Variants in DCLRE1B observed in about 807,000 individuals in gnomAD.
DCLRE1B encodes DNA cross-link repair 1B, also known as 5' exonuclease Apollo.
DCLRE1B carries 6 observed loss-of-function variants against 19.8 expected under a neutral mutation model. That is an observed-to-expected ratio of 0.30 (90% CI 0.17 to 0.60). DCLRE1B has a LOEUF of 0.60. DCLRE1B is among the 20% of genes least tolerant of loss of function. DCLRE1B has a pLI of 0.87. For missense variants in DCLRE1B, 622 were observed against 654.2 expected, an observed-to-expected ratio of 0.95 and a Z score of 0.54; for synonymous variants, 258 against 255.7, an observed-to-expected ratio of 1.01 and a Z score of -0.09.
Position 113,905,575 on chromosome 1 carries a change from A to C in DCLRE1B, c.-12A>C. 1 of 1,613,442 alleles carries C rather than the reference A, an allele frequency of 6.2e-7. No individual in the cohort carries two copies. Among genetic ancestry groups the C allele is most frequent in the South Asian group, 1.1e-5 (1 of 91,040 alleles). ...TGGAGAAGATCCCACTGGTGACTCCAACCCTACCACCATGAATGGGGTCCT... is the reference window on the plus strand; with the variant it reads ...TGGAGAAGATCCCACTGGTGACTCCCACCCTACCACCATGAATGGGGTCCT... On this transcript the variant is annotated 5_prime_UTR_variant, in exon 1 of 4. Transcript: ENST00000650450.
chr1:113,911,514 G>A lies in DCLRE1B; in HGVS notation c.922G>A (p.Asp308Asn), dbSNP rs764707652. The A allele has an allele frequency of 6.2e-7, 1 of 1,614,094 alleles. No individual in the cohort carries two copies. The highest frequency in any genetic ancestry group is 8.5e-7 in the Non-Finnish European group (1 of 1,180,006). Reference sequence around the variant, plus strand: ...TCGGCGGCCCTGTGGAGGCTTTCAGGACAGTCTGAGCCCCAGGATCTCCGT... The same window carrying A: ...TCGGCGGCCCTGTGGAGGCTTTCAGAACAGTCTGAGCCCCAGGATCTCCGT... ...VSRRPCGGFQ[D>N]SLSPRISVPL... Residue 308 changes from aspartate (D) to asparagine (N), a missense_variant, in exon 4 of 4, where the codon GAC (aspartate) becomes AAC (asparagine). By Grantham distance (23) the Asp-to-Asn change is conservative. Around this residue, in one of 3 missense-constraint regions of DCLRE1B, gnomAD observed 382 missense variants for 412.5 expected, o/e 0.93. Transcript: ENST00000650450.
Position 113,911,520 on chromosome 1 carries a change from C to T in DCLRE1B, c.928C>T (p.Leu310=), listed in dbSNP as rs751836767. The change falls in exon 4 of 4, where the codon CTG becomes TTG. Residue 310 remains leucine, a synonymous_variant. Coordinates refer to ENST00000650450, the MANE Select transcript of DCLRE1B (RefSeq NM_022836.4). Reference sequence around the variant, plus strand: ...GCCCTGTGGAGGCTTTCAGGACAGTCTGAGCCCCAGGATCTCCGTGCCCCT... The same window carrying T: ...GCCCTGTGGAGGCTTTCAGGACAGTTTGAGCCCCAGGATCTCCGTGCCCCT... ...RRPCGGFQDS[L]SPRISVPLIP... The T allele has an allele frequency of 6.2e-7, 1 of 1,613,916 alleles. No homozygotes were observed. Among genetic ancestry groups the T allele is most frequent in the Non-Finnish European group, 8.5e-7 (1 of 1,179,858 alleles).
intron 2 of DCLRE1B, 67 bp from the exon 3 acceptor site, chr1:113,907,942 G>A (rs1669100392): frequency 6.6e-7 from 1 of 1,524,702 alleles, no homozygotes; most frequent in Non-Finnish European, 8.9e-7. Flanking sequence ...TATTGTTGGA[G>A]GTAGGAGAGG....
intron 2 of DCLRE1B, among the ~76,000 whole-genome samples, 188 bp downstream of exon 2, chr1:113,907,349 C>T (rs111426770): frequency 6.6e-6 from 1 of 151,712 alleles, no homozygotes; most frequent in African/African-American, 2.4e-5. Flanking sequence ...CAAGCCACCA[C>T]ACCTGGCAGA....
rs1669340602 is a variant in DCLRE1B, at chr1:113,913,528, ACTGC to A, written c.*1340_*1343del. The A allele has an allele frequency of 6.5e-6, 1 of 152,780 alleles. No homozygotes were observed. Among genetic ancestry groups the A allele is most frequent in the Non-Finnish European group, 1.5e-5 (1 of 68,056 alleles). The allele number at this position is 152,780 out of a possible 1,614,324, so 9.5% of individuals were successfully genotyped here. A position where few individuals can be genotyped will look rare whatever the true frequency, so the allele number is the denominator to read the frequency against. ...ATTTGGTGCAGCAGGAAACATGGGG[ACTGC>A]CTAGGCTCGAATCTGTGGCACCCTG... On this transcript the variant is annotated 3_prime_UTR_variant, in exon 4 of 4. Coordinates refer to ENST00000650450, the MANE Select transcript of DCLRE1B (RefSeq NM_022836.4).
chr1:113,909,498 G>A lies in DCLRE1B; in HGVS notation c.538+1307G>A, dbSNP rs552276661. The stretch of plus-strand genomic sequence containing the variant: ...TTTGAAAAGGACATGTCTCAACTCT[G>A]AAAGGAGTTTCAAAATGAGACTAAA... On this transcript the variant is annotated intron_variant, in intron 3 of 3. Coordinates refer to ENST00000650450, the MANE Select transcript of DCLRE1B (RefSeq NM_022836.4). Among the ~76,000 whole-genome samples, 11 of 152,274 alleles carry A rather than the reference G, an allele frequency of 7.2e-5. 1 individual carries two copies. In the East Asian group the frequency reaches 2.1e-3, roughly 29 times the overall value.
At chr1:113,910,644 G>C (rs553733833) in intron 3 of DCLRE1B, among the ~76,000 whole-genome samples, 1 of 152,168 alleles carries the variant, frequency 6.6e-6, no homozygotes, top group African/African-American at 2.4e-5. Flanking sequence ...AGGAACTATA[G>C]GCGTGCACCA....
In DCLRE1B at chr1:113,911,230, TA is replaced by T. The variant is rs886521015; in HGVS notation, c.639del (p.Leu214TrpfsTer19). The T allele has an allele frequency of 2.5e-6, 4 of 1,614,064 alleles. No homozygotes were observed. The highest frequency in any genetic ancestry group is 3.4e-6 in the Non-Finnish European group (4 of 1,180,038). ...LSPRRLELVQ[L>X]LGLADVFTVE... The stretch of plus-strand genomic sequence containing the variant: ...CCTCGGCGCCTGGAGTTGGTACAGC[TA>T]CTGGGCCTGGCAGATGTGTTCACAG... On this transcript the variant is annotated frameshift_variant, in exon 4 of 4. Transcript: ENST00000650450. LOFTEE classifies it low-confidence loss of function (END_TRUNC).
rs147059410 is a variant in DCLRE1B, at chr1:113,905,633, G to C, written c.47G>C (p.Trp16Ser). 6.2e-7 allele frequency: 1 copy of C among 1,614,050 alleles called. No individual in the cohort carries two copies. The highest frequency in any genetic ancestry group is 8.5e-7 in the Non-Finnish European group (1 of 1,180,032). The part of the protein sequence containing the change: ...IPHTPIAVDF[W>S]SLRRAGTARL... ...CATACGCCCATCGCAGTGGACTTCT[G>C]GAGCCTGCGCCGGGCTGGCACCGCA... The change falls in exon 1 of 4, where the codon TGG becomes TCG. Residue 16 changes from tryptophan to serine, a missense_variant. Physicochemically the swap from Trp to Ser is radical, Grantham distance 177 (BLOSUM62 -3). Coordinates refer to ENST00000650450, the MANE Select transcript of DCLRE1B (RefSeq NM_022836.4).
At position 113,911,219 on chromosome 1, in the gene DCLRE1B, G is replaced by A. The variant is rs574517415; in HGVS notation, c.627G>A (p.Glu209=). 5.6e-6 allele frequency: 9 copies of A among 1,614,204 alleles called. No homozygotes were observed. The highest frequency in any genetic ancestry group is 5.5e-5 in the South Asian group (5 of 91,088). Residue 209 remains glutamate, a synonymous_variant, in exon 4 of 4, where the codon GAG becomes GAA. Transcript: ENST00000650450. ...TGGTATTGAGTCCTCGGCGCCTGGA[G>A]TTGGTACAGCTACTGGGCCTGGCAG... ...TWVVLSPRRL[E]LVQLLGLADV...
chr1:113,910,565 G>A (rs1669216212), intron 3 of DCLRE1B, among the ~76,000 whole-genome samples: 1 of 152,082 alleles, frequency 6.6e-6, no homozygotes, highest in African/African-American at 2.4e-5. Context: ...GTAGTGGCAT[G>A]ATCACAGCTC....
Position 113,905,710 on chromosome 1 carries a change from A to AGACAG in DCLRE1B, c.125_126insACAGG (p.Ser42ArgfsTer43). 3 of 1,614,150 alleles carry AGACAG rather than the reference A, an allele frequency of 1.9e-6. No homozygotes were observed. Among genetic ancestry groups the AGACAG allele is most frequent in the Non-Finnish European group, 2.5e-6 (3 of 1,180,034 alleles). ...CTCGGACCACACCGTGGGCCTGTCT[A>AGACAG]GCACCTGGGCCCGGCCCCTCTACTG... On this transcript the variant is annotated frameshift_variant, in exon 1 of 4. Transcript: ENST00000650450. LOFTEE classifies it high-confidence loss of function.
Position 113,909,241 on chromosome 1 carries a change from TTTAAA to T in DCLRE1B, c.538+1055_538+1059del, listed in dbSNP as rs1571610363. ...ATAGATATTTAAGTGAGCGTTGTGCTTTAAATTAAGTATACTGAAAAAACAGGTTT... is the reference window on the plus strand; with the variant it reads ...ATAGATATTTAAGTGAGCGTTGTGCTTTAAGTATACTGAAAAAACAGGTTT... On this transcript the variant is annotated intron_variant, in intron 3 of 3. Coordinates refer to ENST00000650450, the MANE Select transcript of DCLRE1B (RefSeq NM_022836.4). Among the ~76,000 whole-genome samples the T allele has an allele frequency of 2.6e-5, 4 of 152,220 alleles. 1 individual carries two copies. In the East Asian group the frequency reaches 7.7e-4, roughly 29 times the overall value.
chr1:113,904,889 T>G, upstream of DCLRE1B: 2 of 642,126 alleles, frequency 3.1e-6, no homozygotes, highest in Non-Finnish European at 2.8e-6. Context: ...CCTGACACAC[T>G]TCCACGCCCT....
Position 113,913,848 on chromosome 1 carries a change from A to G in DCLRE1B, c.*1657A>G, listed in dbSNP as rs1669353909. 1 of 152,136 alleles carries G rather than the reference A, an allele frequency of 6.6e-6. No homozygotes were observed. The highest frequency in any genetic ancestry group is 2.1e-4 in the South Asian group (1 of 4,830). 9.4% of individuals were successfully genotyped at this position (152,136 alleles called of 1,614,324 possible). Reference sequence around the variant, plus strand: ...TTTTTTTTTCTATGCATGTAGATGTATTAAATATGTAAATGTTTTTCAAAG... The same window carrying G: ...TTTTTTTTTCTATGCATGTAGATGTGTTAAATATGTAAATGTTTTTCAAAG... On this transcript the variant is annotated 3_prime_UTR_variant, in exon 4 of 4. Transcript: ENST00000650450.
chr1:113,911,632 C>T lies in DCLRE1B; in HGVS notation c.1040C>T (p.Pro347Leu), dbSNP rs527254164. ...CTGTTAGAAAGGAGGCTAAAGAGGC[C>T]GAGAACCCAAGGTGTTGTGTTTGAA... is the stretch of plus-strand genomic sequence containing the variant. Reference protein sequence around the residue: ...LWLLERRLKRPRTQGVVFESP... With the variant: ...LWLLERRLKRLRTQGVVFESP... The change falls in exon 4 of 4, where the codon CCG (proline) becomes CTG (leucine). Residue 347 changes from proline (P) to leucine (L), a missense_variant. By Grantham distance (98) the Pro-to-Leu change is moderately conservative. Around this residue, in one of 3 missense-constraint regions of DCLRE1B, gnomAD observed 382 missense variants for 412.5 expected, o/e 0.93. Transcript: ENST00000650450. 1.3e-5 allele frequency: 21 copies of T among 1,600,366 alleles called. No homozygotes were observed. The highest frequency in any genetic ancestry group is 2.7e-5 in the African/African-American group (2 of 74,314).
At position 113,906,976 on chromosome 1, in the gene DCLRE1B, A is replaced by G; in HGVS notation, c.190-20A>G. On this transcript the variant is annotated intron_variant, in intron 1 of 3. Transcript: ENST00000650450. Reference sequence around the variant, plus strand: ...CGGAGAGGAGTCAGTGGTCACTGGGATGACTAACTGTTTTCTCAGGTATCT... The same window carrying G: ...CGGAGAGGAGTCAGTGGTCACTGGGGTGACTAACTGTTTTCTCAGGTATCT... 6.2e-7 allele frequency: 1 copy of G among 1,613,462 alleles called. No homozygotes were observed.
chr1:113,908,802 T>TACAC (rs1558108185), intron 3 of DCLRE1B, among the ~76,000 whole-genome samples: 3 of 145,676 alleles, frequency 2.1e-5, no homozygotes, highest in South Asian at 2.1e-4. Flanking sequence ...CACATACGCG[T>TACAC]GCACACACAC....
In DCLRE1B at chr1:113,911,783, G is replaced by A. The variant is rs1669270719; in HGVS notation, c.1191G>A (p.Lys397=). The A allele has an allele frequency of 6.2e-7, 1 of 1,614,102 alleles. No homozygotes were observed. Among genetic ancestry groups the A allele is most frequent in the Non-Finnish European group, 8.5e-7 (1 of 1,180,056 alleles). The change falls in exon 4 of 4, where the codon AAG becomes AAA. Residue 397 remains lysine (K), a synonymous_variant. Transcript: ENST00000650450. The part of the protein sequence containing the change: ...KQPSHHPLRI[K]KQLFPDLYSK... ...CTTCCCACCATCCTTTGCGGATCAAGAAGCAGTTGTTCCCAGATCTCTATA... is the reference window on the plus strand; with the variant it reads ...CTTCCCACCATCCTTTGCGGATCAAAAAGCAGTTGTTCCCAGATCTCTATA...
Sources: gnomAD v4.1 joint callset for allele counts (sites outside exome capture counted in the v4.1 genomes callset) on GRCh38, gnomAD v4.1.1 for gene constraint, gnomAD v4.1.1 regional missense constraint, MANE v1.5 for transcripts, NCBI Gene and HGNC (gene_info 2026-07-23, HGNC 2026-07-21) for gene names.